Variants in CNBD1 observed in about 807,000 individuals in gnomAD.
The protein encoded by CNBD1 is cyclic nucleotide binding domain containing 1.
A neutral mutation model predicts 54.4 loss-of-function variants in CNBD1; 71 were observed. That is an observed-to-expected ratio of 1.30 (90% CI 1.08 to 1.59). CNBD1 has a LOEUF of 1.59. Ranked by LOEUF, CNBD1 falls within the 40% of genes most tolerant of loss-of-function variation. CNBD1 has a pLI of 0.00. For synonymous variants in CNBD1, 182 were observed against 170.7 expected, an observed-to-expected ratio of 1.07 and a Z score of -0.51; for missense variants, 659 against 518.0, an observed-to-expected ratio of 1.27 and a Z score of -2.64.
intron 4 of CNBD1, among the ~76,000 whole-genome samples, chr8:86,988,760 G>C (rs1343801339): frequency 2.6e-5 from 4 of 151,946 alleles, no homozygotes; most frequent in African/African-American, 9.7e-5. Context: ...CCACAAATAA[G>C]TGAGAACATG....
chr8:86,894,616 A>G (rs1251759493), intron 2 of CNBD1, among the ~76,000 whole-genome samples: 1 of 152,136 alleles, frequency 6.6e-6, no homozygotes. Flanking sequence ...CAACCATTCC[A>G]TGTAATGACG....
chr8:87,301,920 C>T (rs1217635545), intron 8 of CNBD1, among the ~76,000 whole-genome samples: 5 of 152,136 alleles, frequency 3.3e-5, no homozygotes, highest in Admixed American at 2.0e-4. Flanking sequence ...CACATATACC[C>T]GCCCAAGATT....
At chr8:86,918,286 T>G (rs895472622) in intron 3 of CNBD1, among the ~76,000 whole-genome samples, 4 of 152,176 alleles carry the variant, frequency 2.6e-5, no homozygotes, top group Admixed American at 1.3e-4. Flanking sequence ...CTTCTTTTAG[T>G]GAATGGAAGT....
At chr8:87,282,672 A>T (rs1162265357) in intron 6 of CNBD1, among the ~76,000 whole-genome samples, 1 of 151,992 alleles carries the variant, frequency 6.6e-6, no homozygotes, top group Non-Finnish European at 1.5e-5. Flanking sequence ...AGGGAGTCTG[A>T]TGATATTTTT....
intron 4 of CNBD1, among the ~76,000 whole-genome samples, chr8:87,183,990 G>A (rs1453724737): frequency 1.3e-5 from 2 of 152,206 alleles, no homozygotes; most frequent in Non-Finnish European, 2.9e-5. Context: ...GAATGGCAGG[G>A]AGTGCCATAC....
chr8:87,333,163 G>T lies in CNBD1; in HGVS notation c.1043-18522G>T, dbSNP rs942505436. Among the ~76,000 whole-genome samples the T allele has an allele frequency of 2.6e-5, 4 of 152,074 alleles. No homozygotes were observed. In the South Asian group the frequency reaches 6.2e-4, roughly 24 times the overall value. ...TGAATGGGAGTTCATTCATGATTTT[G>T]CTCTCTGCTTGTTGATTGTTGATGT... On this transcript the variant is annotated intron_variant, in intron 8 of 10. Coordinates refer to ENST00000518476, the MANE Select transcript of CNBD1 (RefSeq NM_173538.3).
chr8:87,135,155 C>G (rs1410106593), intron 4 of CNBD1, among the ~76,000 whole-genome samples: 1 of 151,878 alleles, frequency 6.6e-6, no homozygotes, highest in Non-Finnish European at 1.5e-5. Flanking sequence ...TACTCTTATA[C>G]CACATGTGAA....
chr8:86,958,219 T>C (rs952399233), intron 4 of CNBD1, among the ~76,000 whole-genome samples: 12 of 152,230 alleles, frequency 7.9e-5, no homozygotes, highest in African/African-American at 2.9e-4. Context: ...TCTGTTCTTT[T>C]ACATTTGCTG....
chr8:87,392,006 G>T (rs1262647327), intron 2 of CNBD1, among the ~76,000 whole-genome samples: 2 of 152,020 alleles, frequency 1.3e-5, no homozygotes, highest in Admixed American at 6.6e-5. Context: ...TGAAGGGCAG[G>T]AATGGGCCTT....
intron 4 of CNBD1, among the ~76,000 whole-genome samples, chr8:86,971,695 C>T (rs141406828): frequency 1.1e-3 from 165 of 151,890 alleles, no homozygotes; most frequent in Non-Finnish European, 9.1e-4. Context: ...GTTTTTATAT[C>T]GTTTTGTGAA....
intron 4 of CNBD1, among the ~76,000 whole-genome samples, chr8:87,181,927 T>A (rs539527191): frequency 5.3e-5 from 8 of 152,274 alleles, no homozygotes; most frequent in Admixed American, 1.3e-4. Context: ...AGGGGATACA[T>A]GTGCAGGTTT....
chr8:87,208,090 C>G (rs1586330201), intron 5 of CNBD1, among the ~76,000 whole-genome samples: 1 of 152,250 alleles, frequency 6.6e-6, no homozygotes, highest in South Asian at 2.1e-4. Flanking sequence ...ACTATTCCTT[C>G]TAGTAGCCCC....
intron 10 of CNBD1, chr8:87,353,993 G>T: frequency 2.7e-6 from 1 of 373,478 alleles, no homozygotes; most frequent in Non-Finnish European, 4.9e-6. Context: ...GGGCTGGAAG[G>T]GAACTTCATT....
rs1813386056 is a variant in CNBD1 at position 87,182,803 on chromosome 8, T to C, written c.432-23190T>C. Among the ~76,000 whole-genome samples the C allele has an allele frequency of 6.6e-6, 1 of 152,208 alleles. No homozygotes were observed. The highest frequency in any genetic ancestry group is 1.5e-5 in the Non-Finnish European group (1 of 68,028). On this transcript the variant is annotated intron_variant, in intron 4 of 10. Transcript: ENST00000518476. This position sits in a 1 kb window ranked among gnomAD's most constrained non-coding sequence, Gnocchi z 4.1. Reference sequence around the variant, plus strand: ...AGTTTCTGGATATTAGAACTTTGTCTGAAGCATAGTTTGCAAGTATTTTCT... The same window carrying C: ...AGTTTCTGGATATTAGAACTTTGTCCGAAGCATAGTTTGCAAGTATTTTCT...
chr8:87,290,087 AG>A (rs1808759719), intron 8 of CNBD1, among the ~76,000 whole-genome samples: 2 of 152,190 alleles, frequency 1.3e-5, no homozygotes, highest in Non-Finnish European at 1.5e-5. Context: ...AATCTACTTC[AG>A]ATTTTTACTA....
At chr8:87,154,806 C>T in intron 4 of CNBD1, among the ~76,000 whole-genome samples, 1 of 152,118 alleles carries the variant, frequency 6.6e-6, no homozygotes, top group East Asian at 1.9e-4. Context: ...TCATGAAGAC[C>T]TTGGTCTGCC....
At chr8:86,893,368 G>A (rs1419538213) in intron 2 of CNBD1, among the ~76,000 whole-genome samples, 3 of 152,142 alleles carry the variant, frequency 2.0e-5, no homozygotes, top group African/African-American at 7.2e-5. Context: ...GGAAGTGGGG[G>A]ATTTTAAACC....
chr8:87,118,709 C>G (rs1489549961), intron 4 of CNBD1, among the ~76,000 whole-genome samples: 1 of 152,126 alleles, frequency 6.6e-6, no homozygotes, highest in Non-Finnish European at 1.5e-5. Flanking sequence ...ATATATTCTC[C>G]TCTTAGTGGT....
intron 4 of CNBD1, among the ~76,000 whole-genome samples, chr8:87,036,910 C>T (rs555204924): frequency 6.6e-6 from 1 of 152,246 alleles, no homozygotes; most frequent in East Asian, 1.9e-4. Flanking sequence ...TTTTCTTTGC[C>T]TTCATCCTGT....
Sources: allele counts gnomAD v4.1 joint callset (sites outside exome capture counted in the v4.1 genomes callset), GRCh38; gene constraint gnomAD v4.1.1; non-coding constraint Gnocchi (gnomAD v3.1); transcripts MANE v1.5; gene names NCBI Gene and HGNC (gene_info 2026-07-23, HGNC 2026-07-21).